CTNNA1: variants seen among roughly 807,000 people sequenced by gnomAD.
CTNNA1 encodes catenin alpha-1.
In CTNNA1, 37 loss-of-function variants were observed where a neutral mutation model predicts 98.4. That is an observed-to-expected ratio of 0.38 (90% CI 0.29 to 0.49). The LOEUF (loss-of-function observed/expected upper bound fraction) is 0.49. Ranked by LOEUF, CTNNA1 falls within the 20% of genes least tolerant of loss-of-function variation. The pLI, the probability that CTNNA1 is intolerant of heterozygous loss-of-function variation, is 0.95. For synonymous variants in CTNNA1, 404 were observed against 413.2 expected (o/e 0.98, Z 0.27); for missense variants, 761 against 1,147.2 (o/e 0.66, Z 4.86).
intron 7 of CTNNA1, among the ~76,000 whole-genome samples, chr5:138,883,078 A>G (rs1753284920): frequency 6.6e-6 from 1 of 152,014 alleles, no homozygotes; most frequent in South Asian, 2.1e-4. Context: ...CTTTGAGGCT[A>G]AAGGTCTCAA....
chr5:138,933,543 G>T (rs977150069), intron 17 of CTNNA1, among the ~76,000 whole-genome samples: 2 of 152,200 alleles, frequency 1.3e-5, no homozygotes. Context: ...ATAAACACTT[G>T]CTGAGGGGTG....
chr5:138,753,861 T>G (rs1431785620), intron 1 of CTNNA1: 7 of 166,848 alleles, frequency 4.2e-5, no homozygotes, highest in Non-Finnish European at 6.4e-5. Context: ...TTCCAAACTT[T>G]GTTACCGCGG....
intron 16 of CTNNA1, chr5:138,932,127 A>G (rs891996): frequency 0.3 from 297,758 of 987,940 alleles, 45,631 homozygotes; most frequent in African/African-American, 0.43. Flanking sequence ...AAAGTGCCTC[A>G]GAGCAGAAGA....
intron 10 of CTNNA1, among the ~76,000 whole-genome samples, chr5:138,906,276 T>C (rs1187170636): frequency 6.6e-6 from 1 of 152,214 alleles, no homozygotes; most frequent in African/African-American, 2.4e-5. Context: ...CTGCCAGTCA[T>C]TGACAGCTGC....
rs1403064278 is a variant in CTNNA1 at position 138,874,141 on chromosome 5, C to T, written c.1063-12071C>T. The T allele has an allele frequency of 1.2e-6, 2 of 1,613,590 alleles. No individual in the cohort carries two copies. The highest frequency in any genetic ancestry group is 1.7e-6 in the Non-Finnish European group (2 of 1,179,714). On this transcript the variant is annotated intron_variant, in intron 7 of 17. Transcript: ENST00000302763. The surrounding 1 kb of genome is among the most constrained non-coding windows in gnomAD (Gnocchi z 4.1). The stretch of plus-strand genomic sequence containing the variant: ...GCAGAGATGACAGCTGATTAAAAGA[C>T]AGGTCCAAATTTTGCAGGTTAATCA...
intron 7 of CTNNA1, chr5:138,828,025 TG>T (rs869135927): frequency 7.7e-6 from 2 of 259,342 alleles, no homozygotes; most frequent in South Asian, 7.3e-5. Context: ...TATGTATGTA[TG>T]GTATATACAC....
intron 9 of CTNNA1, among the ~76,000 whole-genome samples, chr5:138,892,107 T>C (rs1214370799): frequency 6.6e-6 from 1 of 152,128 alleles, no homozygotes; most frequent in Non-Finnish European, 1.5e-5. Flanking sequence ...TGATGTCTCA[T>C]GATTCCCTAA....
intron 1 of CTNNA1, among the ~76,000 whole-genome samples, chr5:138,760,792 A>G (rs1752268706): frequency 6.6e-6 from 1 of 152,148 alleles, no homozygotes; most frequent in Non-Finnish European, 1.5e-5. Context: ...ACATCAGGGT[A>G]TTTTCCACTT....
intron 9 of CTNNA1, among the ~76,000 whole-genome samples, chr5:138,894,940 G>A (rs1164846449): frequency 6.6e-6 from 1 of 152,034 alleles, no homozygotes; most frequent in Non-Finnish European, 1.5e-5. Context: ...TTCCTGGAAC[G>A]CTTATCCCCT....
intron 1 of CTNNA1, among the ~76,000 whole-genome samples, chr5:138,760,017 G>A (rs1360999040): frequency 1.7e-5 from 2 of 120,396 alleles, no homozygotes; most frequent in African/African-American, 6.4e-5. Context: ...TTTATGAGAT[G>A]GAGTTTCACT....
At chr5:138,798,548 A>AT (rs1431301055) in intron 3 of CTNNA1, among the ~76,000 whole-genome samples, 1 of 152,184 alleles carries the variant, frequency 6.6e-6, no homozygotes, top group African/African-American at 2.4e-5. Context: ...CCGTAACTTT[A>AT]TAAAGTTTGG....
chr5:138,878,360 G>A (rs1052827220), intron 7 of CTNNA1, among the ~76,000 whole-genome samples: 6 of 152,134 alleles, frequency 3.9e-5, no homozygotes, highest in African/African-American at 1.4e-4. Context: ...TCTTTCTTTA[G>A]CTAAAAGGGC....
intron 3 of CTNNA1, among the ~76,000 whole-genome samples, chr5:138,786,433 T>C (rs1755719134): frequency 6.6e-6 from 1 of 152,342 alleles, no homozygotes; most frequent in African/African-American, 2.4e-5. Context: ...TACTCATCGT[T>C]TGAAACCCTG....
rs779064875 is a variant in CTNNA1, at chr5:138,887,493, C to T, written c.1147C>T (p.Arg383Cys). Reference sequence around the variant, plus strand: ...ATTTTTACAATTTAATCATTAGCTCCGCAAAGCTGTCATGGACCACGTTTC... The same window carrying T: ...ATTTTTACAATTTAATCATTAGCTCTGCAAAGCTGTCATGGACCACGTTTC... The part of the protein sequence containing the change: ...KKTRDLRRQL[R>C]KAVMDHVSDS... Residue 383 changes from arginine to cysteine, a missense_variant, in exon 9 of 18, where the codon CGC (arginine) becomes TGC (cysteine). Around this residue, in one of 6 missense-constraint regions of CTNNA1, gnomAD observed 287 missense variants for 436.0 expected, o/e 0.66. Transcript: ENST00000302763. 6.3e-6 allele frequency: 10 copies of T among 1,590,486 alleles called. No individual in the cohort carries two copies. The highest frequency in any genetic ancestry group is 2.3e-5 in the East Asian group (1 of 44,398).
chr5:138,903,244 T>C (rs541751236), intron 9 of CTNNA1, among the ~76,000 whole-genome samples: 157 of 152,320 alleles, frequency 1.0e-3, no homozygotes, highest in African/African-American at 3.7e-3. Flanking sequence ...AATCCTTAAC[T>C]GTAGCACTAC....
intron 7 of CTNNA1, among the ~76,000 whole-genome samples, chr5:138,839,869 T>G (rs1395833033): frequency 6.6e-6 from 1 of 152,266 alleles, no homozygotes; most frequent in Non-Finnish European, 1.5e-5. Flanking sequence ...GGACTAGAAC[T>G]AAGGCTTCTG....
chr5:138,833,827 A>G (rs1275817797), intron 7 of CTNNA1, among the ~76,000 whole-genome samples: 1 of 152,230 alleles, frequency 6.6e-6, no homozygotes, highest in Non-Finnish European at 1.5e-5. Flanking sequence ...CCTTGTAAGG[A>G]TAATGTTTCT....
At chr5:138,828,455 A>T (rs914871144) in intron 7 of CTNNA1, among the ~76,000 whole-genome samples, 1 of 151,858 alleles carries the variant, frequency 6.6e-6, no homozygotes, top group African/African-American at 2.4e-5. Flanking sequence ...CTTCGCTTAT[A>T]CTTCTTCTAT....
At chr5:138,860,274 G>A (rs1031502747) in intron 7 of CTNNA1, among the ~76,000 whole-genome samples, 10 of 152,234 alleles carry the variant, frequency 6.6e-5, no homozygotes, top group African/African-American at 7.2e-5. Context: ...CAGATAAACC[G>A]TTTATAGTTT....
Sources: gnomAD v4.1 joint callset for allele counts (sites outside exome capture counted in the v4.1 genomes callset) on GRCh38, gnomAD v4.1.1 for gene constraint, gnomAD v4.1.1 regional missense constraint, Gnocchi (gnomAD v3.1) non-coding constraint, MANE v1.5 for transcripts, NCBI Gene and HGNC (gene_info 2026-07-23, HGNC 2026-07-21) for gene names.